OR3A2: variants seen among roughly 807,000 people sequenced by gnomAD.
OR3A2 encodes the protein olfactory receptor family 3 subfamily A member 2.
For missense variants in OR3A2, 318 were observed against 392.8 expected (o/e 0.81, Z 1.61); for synonymous variants, 126 against 159.3 (o/e 0.79, Z 1.57).
upstream of OR3A2, among the ~76,000 whole-genome samples, chr17:3,286,079 C>T (rs1031918358): frequency 1.3e-5 from 2 of 152,144 alleles, no homozygotes; most frequent in African/African-American, 4.8e-5. Flanking sequence ...CCCCACCCCC[C>T]AAGAGGCCCT....
intron 2 of OR3A2, among the ~76,000 whole-genome samples, chr17:3,344,021 C>T (rs2049342901): frequency 6.6e-6 from 1 of 152,172 alleles, no homozygotes; most frequent in Non-Finnish European, 1.5e-5. Context: ...CCATGGCTTG[C>T]AATACATCTT....
chr17:3,311,580 T>C lies in OR3A2; in HGVS notation c.-85+24453A>G. The C allele has an allele frequency of 2.4e-6, 1 of 413,656 alleles. No homozygotes were observed. Among genetic ancestry groups the C allele is most frequent in the Non-Finnish European group, 4.9e-6 (1 of 204,320 alleles). The allele number at this position is 413,656 out of a possible 1,614,324, so 25.6% of individuals were successfully genotyped here. A position where few individuals can be genotyped will look rare whatever the true frequency, so the allele number is the denominator to read the frequency against. ...TCTCTTGCTCCAGCATCCACCTCAA[T>C]GGGCAGCTGCTGCTTGTGGGGGCCA... On this transcript the variant is annotated intron_variant, in intron 3 of 4. Coordinates refer to the OR3A2 transcript ENST00000573491. The surrounding 1 kb of genome is among the most constrained non-coding windows in gnomAD (Gnocchi z 4.6).
intron 3 of OR3A2, among the ~76,000 whole-genome samples, chr17:3,306,554 G>A (rs1433070660): frequency 6.6e-6 from 1 of 151,858 alleles, no homozygotes; most frequent in Non-Finnish European, 1.5e-5. Flanking sequence ...GAGTGTTTGT[G>A]GGGGGTGGGG....
intron 3 of OR3A2, among the ~76,000 whole-genome samples, chr17:3,305,524 G>A (rs1319704500): frequency 6.6e-6 from 1 of 152,186 alleles, no homozygotes; most frequent in Non-Finnish European, 1.5e-5. Flanking sequence ...TAGGGAGGTA[G>A]AGATTACTCA....
intron 3 of OR3A2, among the ~76,000 whole-genome samples, chr17:3,318,194 A>C (rs1024305599): frequency 1.3e-5 from 2 of 152,152 alleles, no homozygotes; most frequent in African/African-American, 4.8e-5. Flanking sequence ...ATGAGAGTTC[A>C]GGATAATGCA....
chr17:3,377,046 C>G (rs912251015), intron 2 of OR3A2, among the ~76,000 whole-genome samples: 1 of 152,210 alleles, frequency 6.6e-6, no homozygotes, highest in Non-Finnish European at 1.5e-5. Flanking sequence ...ACTTTTCTCC[C>G]TCTCACACAT....
intron 3 of OR3A2, among the ~76,000 whole-genome samples, chr17:3,307,079 C>T (rs1042016657): frequency 2.6e-5 from 4 of 152,188 alleles, no homozygotes; most frequent in Admixed American, 1.3e-4. Context: ...GGGTCAACAA[C>T]TTAGTGTCTG....
intron 3 of OR3A2, among the ~76,000 whole-genome samples, chr17:3,294,444 A>G (rs2048904051): frequency 6.6e-6 from 1 of 152,138 alleles, no homozygotes; most frequent in Admixed American, 6.6e-5. Flanking sequence ...GATATGAGAA[A>G]AGACAAAGGA....
At chr17:3,373,015 G>A (rs527907876) in intron 2 of OR3A2, among the ~76,000 whole-genome samples, 5 of 152,140 alleles carry the variant, frequency 3.3e-5, no homozygotes, top group Admixed American at 1.3e-4. Context: ...CTCTTATTCA[G>A]TTGAAATAAT....
At chr17:3,306,579 A>G (rs2049001881) in intron 3 of OR3A2, among the ~76,000 whole-genome samples, 1 of 151,724 alleles carries the variant, frequency 6.6e-6, no homozygotes, top group Non-Finnish European at 1.5e-5. Flanking sequence ...TTTCTACTGA[A>G]AAGCTTGCCA....
rs561769188 is a variant in OR3A2 at position 3,301,153 on chromosome 17, C to G, written c.-84-22000G>C. ...TGTGAATGGTGCCACAATAAACATA[C>G]GTGTGCATGTGTCTTTATAGCAGCA... On this transcript the variant is annotated intron_variant, in intron 3 of 4. Transcript: ENST00000573491. Among the ~76,000 whole-genome samples the G allele has an allele frequency of 2.0e-5, 3 of 152,238 alleles. No homozygotes were observed. In the South Asian group the frequency reaches 6.2e-4, roughly 32 times the overall value.
chr17:3,317,990 C>A (rs921682777), intron 3 of OR3A2, among the ~76,000 whole-genome samples: 1 of 152,166 alleles, frequency 6.6e-6, no homozygotes, highest in African/African-American at 2.4e-5. Context: ...CACACCACTT[C>A]AGTTTATTTT....
At chr17:3,324,823 G>A (rs1416272467) in intron 3 of OR3A2, among the ~76,000 whole-genome samples, 1 of 152,092 alleles carries the variant, frequency 6.6e-6, no homozygotes, top group Non-Finnish European at 1.5e-5. Context: ...ACTTGAGGAG[G>A]CAGTCTGCCC....
intron 2 of OR3A2, among the ~76,000 whole-genome samples, chr17:3,354,147 G>T (rs1286833688): frequency 2.0e-5 from 3 of 151,554 alleles, no homozygotes; most frequent in African/African-American, 7.3e-5. Context: ...TGTTGTTGTT[G>T]TTTTTAATGT....
chr17:3,338,155 T>A (rs1018136843), intron 2 of OR3A2, among the ~76,000 whole-genome samples: 2 of 152,224 alleles, frequency 1.3e-5, no homozygotes, highest in African/African-American at 4.8e-5. Context: ...AAGTTCTTTG[T>A]AGATTCTGGA....
intron 3 of OR3A2, among the ~76,000 whole-genome samples, chr17:3,321,337 T>G (rs1255062635): frequency 1.3e-5 from 2 of 152,290 alleles, no homozygotes; most frequent in East Asian, 3.9e-4. Context: ...AGGGACAATA[T>G]GACTTCCTTT....
At chr17:3,288,846 G>A (rs1295115559), upstream of OR3A2, among the ~76,000 whole-genome samples, 7 of 152,046 alleles carry the variant, frequency 4.6e-5, no homozygotes, top group Non-Finnish European at 1.0e-4. Context: ...CTTAGCCACT[G>A]GAAATAATTT....
intron 3 of OR3A2, among the ~76,000 whole-genome samples, chr17:3,328,210 G>T (rs12602293): frequency 2.0e-5 from 2 of 101,876 alleles, no homozygotes; most frequent in Admixed American, 1.2e-4. Context: ...TCTTCCATTT[G>T]TTTGTATCCT....
At chr17:3,385,972 C>T (rs2049773711) in intron 1 of OR3A2, 153 bp downstream of exon 1, 3 of 386,452 alleles carry the variant, frequency 7.8e-6, no homozygotes, top group Non-Finnish European at 1.4e-5. Context: ...GTTCCTCCTC[C>T]TCGGCCTGGT....
Sources: allele counts gnomAD v4.1 joint callset (sites outside exome capture counted in the v4.1 genomes callset), GRCh38; gene constraint gnomAD v4.1.1; non-coding constraint Gnocchi (gnomAD v3.1); transcripts MANE v1.5; gene names NCBI Gene and HGNC (gene_info 2026-07-23, HGNC 2026-07-21).